ADGRL3: variants seen among roughly 807,000 people sequenced by gnomAD.
The protein encoded by ADGRL3 is adhesion G protein-coupled receptor L3.
Under a neutral mutation model 153.5 loss-of-function variants are expected in ADGRL3, and 62 were observed. The ratio of observed to expected loss-of-function variants is 0.40; its 90% CI spans 0.33 to 0.50. The LOEUF (loss-of-function observed/expected upper bound fraction) is 0.50, where lower values mean the gene tolerates loss of function less well. Ranked by LOEUF, ADGRL3 falls within the 20% of genes least tolerant of loss-of-function variation. The pLI, the probability that ADGRL3 is intolerant of heterozygous loss-of-function variation, is 0.47. For missense variants in ADGRL3, 1,641 were observed against 1,859.4 expected, an observed-to-expected ratio of 0.88 and a Z score of 2.16; for synonymous variants, 710 against 672.5, an observed-to-expected ratio of 1.06 and a Z score of -0.86.
At chr4:61,962,184 A>C (rs187674396) in intron 17 of ADGRL3, among the ~76,000 whole-genome samples, 4 of 151,856 alleles carry the variant, frequency 2.6e-5, no homozygotes, top group African/African-American at 9.7e-5. Flanking sequence ...AGTTGCAGTG[A>C]GCCGAGATCA....
intron 3 of ADGRL3, among the ~76,000 whole-genome samples, chr4:61,512,871 T>C (rs2098471020): frequency 6.6e-6 from 1 of 152,108 alleles, no homozygotes; most frequent in Non-Finnish European, 1.5e-5. Flanking sequence ...GATACTACCA[T>C]GGTGAATGAC....
chr4:61,976,232 A>G (rs1273571957), intron 17 of ADGRL3, among the ~76,000 whole-genome samples: 3 of 152,184 alleles, frequency 2.0e-5, no homozygotes, highest in Non-Finnish European at 4.4e-5. Context: ...AATCTCAGAA[A>G]TAGGAATCCT....
intron 5 of ADGRL3, among the ~76,000 whole-genome samples, chr4:61,592,641 T>TTA (rs1320718316): frequency 3.9e-5 from 6 of 152,198 alleles, no homozygotes; most frequent in Admixed American, 6.5e-5. Context: ...TACTTATTTC[T>TTA]TCTCCTCTAA....
At chr4:61,651,841 C>T (rs1171795136) in intron 5 of ADGRL3, among the ~76,000 whole-genome samples, 2 of 148,108 alleles carry the variant, frequency 1.4e-5, no homozygotes, top group African/African-American at 5.0e-5. Flanking sequence ...TGACCTCGAT[C>T]TCCTGACCTA....
intron 2 of ADGRL3, among the ~76,000 whole-genome samples, chr4:61,416,642 G>T (rs1451138860): frequency 1.3e-5 from 2 of 152,022 alleles, no homozygotes; most frequent in Non-Finnish European, 2.9e-5. Context: ...TTTTTTTGTT[G>T]TTGTTGAGGA....
At chr4:61,523,516 T>C (rs1560779964) in intron 4 of ADGRL3, among the ~76,000 whole-genome samples, 2 of 152,106 alleles carry the variant, frequency 1.3e-5, no homozygotes, top group Admixed American at 6.6e-5. Context: ...ATATGCATAA[T>C]ACGTTCTTTG....
At chr4:61,847,811 TTATA>T (rs1336135273) in intron 9 of ADGRL3, among the ~76,000 whole-genome samples, 150 of 9,426 alleles carry the variant, frequency 0.016, 1 homozygote, top group Middle Eastern at 0.25. Flanking sequence ...ATAAAATATA[TTATA>T]TATATATAAT....
chr4:61,755,977 A>G (rs1011027181), intron 8 of ADGRL3, among the ~76,000 whole-genome samples: 1 of 152,090 alleles, frequency 6.6e-6, no homozygotes, highest in African/African-American at 2.4e-5. Flanking sequence ...CCATTGATCT[A>G]TATCTCTGTT....
intron 22 of ADGRL3, among the ~76,000 whole-genome samples, chr4:62,030,507 A>T (rs1357740149): frequency 6.6e-6 from 1 of 151,590 alleles, no homozygotes; most frequent in African/African-American, 2.4e-5. Context: ...AGAACATTTT[A>T]TCTTGATATT....
intron 9 of ADGRL3, among the ~76,000 whole-genome samples, chr4:61,821,451 C>A (rs1168656086): frequency 6.6e-6 from 1 of 152,080 alleles, no homozygotes; most frequent in South Asian, 2.1e-4. Context: ...CAACCTCCGC[C>A]TCCCGGGTTC....
chr4:62,030,545 G>A (rs1367406389), intron 22 of ADGRL3, among the ~76,000 whole-genome samples: 1 of 151,488 alleles, frequency 6.6e-6, no homozygotes, highest in Admixed American at 6.6e-5. Flanking sequence ...ACAAATATAT[G>A]AATTTTGTTA....
At chr4:61,413,367 G>A (rs1242193231) in intron 2 of ADGRL3, among the ~76,000 whole-genome samples, 6 of 152,020 alleles carry the variant, frequency 3.9e-5, no homozygotes, top group Non-Finnish European at 8.8e-5. Flanking sequence ...GTGGGGAAAC[G>A]GGTGCTCTTT....
At chr4:61,377,321 A>G (rs2096615533) in intron 1 of ADGRL3, among the ~76,000 whole-genome samples, 1 of 152,070 alleles carries the variant, frequency 6.6e-6, no homozygotes, top group Non-Finnish European at 1.5e-5. Context: ...ATTTATGTAA[A>G]CAAAACTTAT....
chr4:61,489,646 TA>T (rs1345802013), intron 2 of ADGRL3, among the ~76,000 whole-genome samples: 2 of 152,006 alleles, frequency 1.3e-5, no homozygotes, highest in East Asian at 3.9e-4. Context: ...AATATTATAC[TA>T]AAAAATGCAA....
At chr4:61,413,582 T>A (rs1448941654) in intron 2 of ADGRL3, among the ~76,000 whole-genome samples, 2 of 152,158 alleles carry the variant, frequency 1.3e-5, no homozygotes, top group Non-Finnish European at 2.9e-5. Context: ...GTTGTTTGCC[T>A]GGAGTAGTGC....
At chr4:61,617,487 C>T (rs2092127984) in intron 5 of ADGRL3, among the ~76,000 whole-genome samples, 1 of 152,112 alleles carries the variant, frequency 6.6e-6, no homozygotes, top group South Asian at 2.1e-4. Context: ...TCTGATTCTT[C>T]TCATTATTTT....
chr4:61,736,035 A>G (rs1206025715), intron 8 of ADGRL3, among the ~76,000 whole-genome samples: 2 of 152,098 alleles, frequency 1.3e-5, no homozygotes, highest in Non-Finnish European at 2.9e-5. Flanking sequence ...TCATACACAT[A>G]TATGACTATA....
At chr4:61,557,119 C>T (rs1010305720) in intron 4 of ADGRL3, among the ~76,000 whole-genome samples, 1 of 152,060 alleles carries the variant, frequency 6.6e-6, no homozygotes, top group African/African-American at 2.4e-5. Flanking sequence ...GGAGAGAGAT[C>T]AGTCTCTAAA....
At chr4:61,840,491 A>G (rs1207811104) in intron 9 of ADGRL3, among the ~76,000 whole-genome samples, 2 of 152,364 alleles carry the variant, frequency 1.3e-5, no homozygotes, top group South Asian at 4.1e-4. Flanking sequence ...TTTTGAATGT[A>G]CACTTTTTTG....
Sources: gnomAD v4.1 joint callset for allele counts (sites outside exome capture counted in the v4.1 genomes callset) on GRCh38, gnomAD v4.1.1 for gene constraint, MANE v1.5 for transcripts, NCBI Gene and HGNC (gene_info 2026-07-23, HGNC 2026-07-21) for gene names.